Variants in DDX47 observed in about 807,000 individuals in gnomAD.
DDX47 encodes DEAD-box helicase 47, also known as probable ATP-dependent RNA helicase DDX47.
DDX47 carries 60 observed loss-of-function variants against 58.8 expected under a neutral mutation model. The observed-to-expected ratio is 1.02, with a 90% CI of 0.83 to 1.26. The LOEUF (loss-of-function observed/expected upper bound fraction) is 1.26, where lower values mean the gene tolerates loss of function less well. Among genes scored for constraint, DDX47 ranks in the 50% most tolerant of loss-of-function variants. DDX47 has a pLI of 0.00. For synonymous variants in DDX47, 197 were observed against 204.6 expected (o/e 0.96, Z 0.32); for missense variants, 530 against 573.2 (o/e 0.92, Z 0.77).
chr12:12,822,227 AC>A, intron 5 of DDX47, 144 bp downstream of exon 5: 6 of 605,432 alleles, frequency 9.9e-6, no homozygotes, highest in Non-Finnish European at 1.7e-5. Flanking sequence ...GTTTCTCAGC[AC>A]CCTTTTATCT....
rs758831201 is a variant in DDX47, at chr12:12,813,411, A to T, written c.44A>T (p.Gln15Leu). 1 of 1,613,584 alleles carries T rather than the reference A, an allele frequency of 6.2e-7. No individual in the cohort carries two copies. The change falls in exon 1 of 12, where the codon CAG becomes CTG. Residue 15 changes from glutamine to leucine, a missense_variant. By Grantham distance (113) the Gln-to-Leu change is moderately radical. Transcript: ENST00000358007. Reference sequence around the variant, plus strand: ...CACGATTCTCCGACCGAAGCGTCCCAGCCGATTGTGGAAGAGGAGGAAACT... The same window carrying T: ...CACGATTCTCCGACCGAAGCGTCCCTGCCGATTGTGGAAGAGGAGGAAACT... ...EEHDSPTEAS[Q>L]PIVEEEETKT...
At chr12:12,829,329 C>A in intron 11 of DDX47, 94 bp from the exon 12 acceptor site, 1 of 1,396,340 alleles carries the variant, frequency 7.2e-7, no homozygotes, top group South Asian at 1.6e-5. Flanking sequence ...CAGCAAGTTA[C>A]TTGATACTTG....
In DDX47 at chr12:12,826,085, T is replaced by C. The variant is rs1863048164; in HGVS notation, c.1106+15T>C. ...TTTGTCACACAGTAAGTAAATCAGC[T>C]TTAGGGCCGAGCAATGTAGAGAAAA... is the stretch of plus-strand genomic sequence containing the variant. On this transcript the variant is annotated intron_variant, in intron 10 of 11. Coordinates refer to ENST00000358007, the MANE Select transcript of DDX47 (RefSeq NM_016355.4). 4 of 1,610,762 alleles carry C rather than the reference T, an allele frequency of 2.5e-6. No individual in the cohort carries two copies. The highest frequency in any genetic ancestry group is 3.4e-6 in the Non-Finnish European group (4 of 1,178,344).
rs149851720 is a variant in DDX47 at position 12,815,851 on chromosome 12, A to G, written c.181+1627A>G. The stretch of plus-strand genomic sequence containing the variant: ...GGGCATTTTTGGAGATGAAGGATTT[A>G]GAGTTGTACTCTTGGAAGATTAATC... On this transcript the variant is annotated intron_variant, in intron 2 of 11. Coordinates refer to ENST00000358007, the MANE Select transcript of DDX47 (RefSeq NM_016355.4). Among the ~76,000 whole-genome samples the G allele has an allele frequency of 4.0e-3, 610 of 152,306 alleles. 7 individuals are homozygous for G. In the East Asian group the frequency reaches 0.04, roughly 10 times the overall value.
At chr12:12,814,016 A>T (rs1862854865) in intron 1 of DDX47, 115 bp from the exon 2 acceptor site, 4 of 757,882 alleles carry the variant, frequency 5.3e-6, no homozygotes, top group Admixed American at 1.8e-5. Flanking sequence ...ATGCACAGTA[A>T]ATACCTTTTA....
At chr12:12,823,645 T>A in intron 7 of DDX47, 1 of 572,404 alleles carries the variant, frequency 1.7e-6, no homozygotes, top group Non-Finnish European at 3.1e-6. Context: ...ATATAAGGAC[T>A]TCTCCTGTTT....
At chr12:12,825,636 G>A (rs187714969) in intron 9 of DDX47, among the ~76,000 whole-genome samples, 176 of 152,296 alleles carry the variant, frequency 1.2e-3, no homozygotes, top group South Asian at 2.9e-3. Context: ...GGTTCAGAGA[G>A]GTTATGTGAT....
Position 12,814,156 on chromosome 12 carries a change from C to T in DDX47, c.113C>T (p.Ala38Val), listed in dbSNP as rs202215338. ...DLGVTDVLCE[A>V]CDQLGWTKPT... The stretch of plus-strand genomic sequence containing the variant: ...GGTGTGACAGATGTGTTGTGTGAAG[C>T]TTGTGACCAGTTGGGATGGACAAAA... Residue 38 changes from alanine to valine, a missense_variant, in exon 2 of 12, where the codon GCT becomes GTT. By Grantham distance (64) the Ala-to-Val change is moderately conservative. Transcript: ENST00000358007. 1.5e-5 allele frequency: 24 copies of T among 1,613,732 alleles called. No individual in the cohort carries two copies. The African/African-American group carries it at 2.3e-4, about 15-fold the overall frequency.
intron 2 of DDX47, among the ~76,000 whole-genome samples, chr12:12,817,742 C>T (rs969105583): frequency 3.3e-5 from 5 of 152,088 alleles, no homozygotes; most frequent in East Asian, 1.9e-4. Context: ...AAAGGCTTAG[C>T]GGTTTCTTCA....
At chr12:12,823,149 A>G in intron 6 of DDX47, 54 bp from the exon 7 acceptor site, 3 of 1,144,568 alleles carry the variant, frequency 2.6e-6, no homozygotes, top group Non-Finnish European at 1.3e-6. Flanking sequence ...AAACCATGTC[A>G]TAAATAAAGA....
chr12:12,818,602 T>C (rs983714650), intron 2 of DDX47, among the ~76,000 whole-genome samples: 1 of 152,128 alleles, frequency 6.6e-6, no homozygotes, highest in South Asian at 2.1e-4. Flanking sequence ...AAAACACTGA[T>C]GTTAATGAAA....
intron 5 of DDX47, 41 bp from the exon 6 acceptor site, chr12:12,822,620 T>G: frequency 6.4e-7 from 1 of 1,554,092 alleles, no homozygotes; most frequent in Non-Finnish European, 8.9e-7. Flanking sequence ...GCTCTTCCAG[T>G]CTGAATATCA....
At chr12:12,824,468 G>A (rs1863021220) in intron 8 of DDX47, 72 bp from the exon 9 acceptor site, 2 of 1,525,120 alleles carry the variant, frequency 1.3e-6, no homozygotes, top group Middle Eastern at 1.7e-4. Flanking sequence ...TTGTTCTCGT[G>A]TTTGTCTATT....
chr12:12,814,089 G>GA lies in DDX47; in HGVS notation c.88-42_88-41insA, dbSNP rs759802095. 9.3e-5 allele frequency: 113 copies of GA among 1,214,312 alleles called. No homozygotes were observed. The South Asian group carries it at 9.9e-4, about 11-fold the overall frequency. The allele number at this position is 1,214,312 out of a possible 1,614,324, so 75.2% of individuals were successfully genotyped here. Reference sequence around the variant, plus strand: ...TCAGTTAAGTAGGAGGGAGGTAGGGGTGTGCTGTTCTTGGCTAAGGTATAT... The same window carrying GA: ...TCAGTTAAGTAGGAGGGAGGTAGGGGATGTGCTGTTCTTGGCTAAGGTATAT... On this transcript the variant is annotated intron_variant, in intron 1 of 11. Transcript: ENST00000358007.
chr12:12,827,451 A>G (rs548872129), intron 11 of DDX47, 76 bp downstream of exon 11: 3 of 1,485,666 alleles, frequency 2.0e-6, no homozygotes, highest in East Asian at 4.6e-5. Context: ...ATTAACCCTC[A>G]TACTAAACTG....
At position 12,816,594 on chromosome 12, in the gene DDX47, T is replaced by A. The variant is rs576780121; in HGVS notation, c.181+2370T>A. On this transcript the variant is annotated intron_variant, in intron 2 of 11. Coordinates refer to ENST00000358007, the MANE Select transcript of DDX47 (RefSeq NM_016355.4). ...ACACACTGTATCCAAAGAGCGGTTA[T>A]AGCTGAGATTGGAAATGGATTAGAT... is the stretch of plus-strand genomic sequence containing the variant. Among the ~76,000 whole-genome samples the A allele has an allele frequency of 2.0e-5, 3 of 152,306 alleles. No individual in the cohort carries two copies. The South Asian group carries it at 6.2e-4, about 32-fold the overall frequency.
chr12:12,821,210 C>T lies in DDX47; in HGVS notation c.184C>T (p.Arg62Cys), dbSNP rs962296815. ...TGTTGAATTTCTTTTTCTTTTAGGT[C>T]GTGATATCATTGGGCTTGCAGAAAC... ...IEAIPLALQG[R>C]DIIGLAETGS... is the part of the protein sequence containing the mutation. Residue 62 changes from arginine (R) to cysteine (C), a missense_variant and splice_region_variant, in exon 3 of 12, where the codon CGT (arginine) becomes TGT (cysteine). Transcript: ENST00000358007. 8.7e-6 allele frequency: 14 copies of T among 1,613,910 alleles called. No homozygotes were observed. The highest frequency in any genetic ancestry group is 4.4e-5 in the South Asian group (4 of 91,054).
Position 12,813,358 on chromosome 12 carries a change from C to T in DDX47, c.-10C>T, listed in dbSNP as rs1862842472. 6.2e-7 allele frequency: 1 copy of T among 1,612,408 alleles called. No individual in the cohort carries two copies. Among genetic ancestry groups the T allele is most frequent in the Non-Finnish European group, 8.5e-7 (1 of 1,179,136 alleles). ...GCGCCGCAGACCCACTTCCGGAGAC[C>T]TCACACAAGATGGCGGCACCCGAGG... On this transcript the variant is annotated 5_prime_UTR_variant, in exon 1 of 12. Transcript: ENST00000358007.
intron 11 of DDX47, 147 bp from the exon 12 acceptor site, chr12:12,829,275 GT>G (rs1863095971): frequency 2.7e-6 from 2 of 741,104 alleles, no homozygotes; most frequent in African/African-American, 3.6e-5. Flanking sequence ...TAACATCTTT[GT>G]ATATTTGGAG....
Sources: gnomAD v4.1 joint callset for allele counts (sites outside exome capture counted in the v4.1 genomes callset) on GRCh38, gnomAD v4.1.1 for gene constraint, MANE v1.5 for transcripts, NCBI Gene and HGNC (gene_info 2026-07-23, HGNC 2026-07-21) for gene names.